The following LPAR1 variants were observed in gnomAD, a reference collection of about 807,000 sequenced individuals.
LPAR1 encodes lysophosphatidic acid receptor 1.
A neutral mutation model predicts 23.8 loss-of-function variants in LPAR1; 5 were observed. The ratio of observed to expected loss-of-function variants is 0.21; its 90% CI spans 0.11 to 0.44. The LOEUF (loss-of-function observed/expected upper bound fraction) is 0.44. LPAR1 is among the 20% of genes least tolerant of loss of function. LPAR1 has a pLI of 0.99. For missense variants in LPAR1, 311 were observed against 482.8 expected, an observed-to-expected ratio of 0.64 and a Z score of 3.33; for synonymous variants, 160 against 164.7, an observed-to-expected ratio of 0.97 and a Z score of 0.22.
chr9:110,884,639 C>T (rs534664848), intron 5 of LPAR1, among the ~76,000 whole-genome samples: 10 of 152,330 alleles, frequency 6.6e-5, no homozygotes, highest in African/African-American at 1.9e-4. Flanking sequence ...GAAACTGTCA[C>T]AATGTCTTTC....
At chr9:111,023,207 A>G (rs1189572110) in intron 2 of LPAR1, among the ~76,000 whole-genome samples, 1 of 152,310 alleles carries the variant, frequency 6.6e-6, no homozygotes, top group East Asian at 1.9e-4. Flanking sequence ...AAAAGCCACA[A>G]ACAGGAAGGC....
At chr9:110,893,960 T>A (rs1422199346) in intron 5 of LPAR1, among the ~76,000 whole-genome samples, 1 of 152,184 alleles carries the variant, frequency 6.6e-6, no homozygotes, top group East Asian at 1.9e-4. Context: ...CAACCCTAAA[T>A]TATTACTTTT....
chr9:110,880,664 C>T (rs956817583), intron 5 of LPAR1, among the ~76,000 whole-genome samples: 34 of 152,166 alleles, frequency 2.2e-4, no homozygotes, highest in Non-Finnish European at 1.0e-4. Flanking sequence ...CAGCACTGTG[C>T]CCAAGGTGGC....
chr9:110,904,784 A>G (rs770019855), intron 5 of LPAR1, among the ~76,000 whole-genome samples: 4 of 152,246 alleles, frequency 2.6e-5, no homozygotes, highest in Non-Finnish European at 5.9e-5. Context: ...TGATAATTCT[A>G]TACATTATTA....
chr9:110,958,265 A>G (rs1173464904), intron 4 of LPAR1, among the ~76,000 whole-genome samples: 1 of 152,228 alleles, frequency 6.6e-6, no homozygotes, highest in East Asian at 1.9e-4. Flanking sequence ...AAGCCTAAAT[A>G]GCTAAAGCAA....
rs534744587 is a variant in LPAR1, at chr9:111,027,921, G to A, written c.-182+8201C>T. On this transcript the variant is annotated intron_variant, in intron 2 of 5. Coordinates refer to ENST00000683809, the MANE Select transcript of LPAR1 (RefSeq NM_001351411.2). ...AAAAAAAAAAAAAAAAGAAGCAAGC[G>A]GAGAAAGGGAATGACTAAACATAAT... Among the ~76,000 whole-genome samples the A allele has an allele frequency of 2.0e-3, 288 of 146,882 alleles. 2 individuals are homozygous for A. Among genetic ancestry groups the A allele is most frequent in the Middle Eastern group, 7.1e-3 (2 of 282 alleles).
At chr9:110,876,983 C>G (rs1357391236) in intron 5 of LPAR1, among the ~76,000 whole-genome samples, 1 of 152,144 alleles carries the variant, frequency 6.6e-6, no homozygotes, top group Non-Finnish European at 1.5e-5. Flanking sequence ...TACACCTCAC[C>G]TAATGGGCCC....
intron 4 of LPAR1, among the ~76,000 whole-genome samples, chr9:110,962,545 CTCT>C (rs1010708742): frequency 6.6e-6 from 1 of 152,172 alleles, no homozygotes; most frequent in African/African-American, 2.4e-5. Flanking sequence ...ACACACCCTA[CTCT>C]TCTTCCTTCA....
In LPAR1 at chr9:110,967,379, T is replaced by C. The variant is rs116179658; in HGVS notation, c.45+4694A>G. On this transcript the variant is annotated intron_variant, in intron 4 of 5. Coordinates refer to ENST00000683809, the MANE Select transcript of LPAR1 (RefSeq NM_001351411.2). The stretch of plus-strand genomic sequence containing the variant: ...GCGTGACAATGCAAGCTTTCTTCCC[T>C]ATTATTGTTTGAAACAATCACAAGC... Among the ~76,000 whole-genome samples, 631 of 152,360 alleles carry C rather than the reference T, an allele frequency of 4.1e-3. 10 individuals are homozygous for C. Among genetic ancestry groups the C allele is most frequent in the African/African-American group, 0.015 (612 of 41,590 alleles).
At chr9:110,876,781 G>A (rs2079207132) in intron 5 of LPAR1, among the ~76,000 whole-genome samples, 1 of 152,188 alleles carries the variant, frequency 6.6e-6, no homozygotes, top group African/African-American at 2.4e-5. Context: ...ATAACTGTAA[G>A]AGGAATGAAA....
chr9:110,876,869 T>G (rs576450539), intron 5 of LPAR1, among the ~76,000 whole-genome samples: 1 of 152,168 alleles, frequency 6.6e-6, no homozygotes, highest in Non-Finnish European at 1.5e-5. Flanking sequence ...AAATGGAGGT[T>G]GTAAAATAGC....
At chr9:110,972,416 T>G (rs957601431) in intron 3 of LPAR1, among the ~76,000 whole-genome samples, 196 bp from the exon 4 acceptor site, 1 of 152,024 alleles carries the variant, frequency 6.6e-6, no homozygotes, top group Non-Finnish European at 1.5e-5. Context: ...TACTCTTAAG[T>G]TGAGGAATTT....
chr9:111,001,414 T>C (rs982420429), intron 2 of LPAR1, among the ~76,000 whole-genome samples: 3 of 152,132 alleles, frequency 2.0e-5, no homozygotes, highest in Non-Finnish European at 4.4e-5. Flanking sequence ...AATGTGACAA[T>C]TGTTCCAGGC....
chr9:111,021,526 C>T (rs555354904), intron 2 of LPAR1, among the ~76,000 whole-genome samples: 1 of 152,242 alleles, frequency 6.6e-6, no homozygotes, highest in South Asian at 2.1e-4. Flanking sequence ...ATATATATAA[C>T]TTAGATGCTG....
At chr9:111,020,311 C>G (rs2097538553) in intron 2 of LPAR1, among the ~76,000 whole-genome samples, 2 of 152,210 alleles carry the variant, frequency 1.3e-5, no homozygotes, top group African/African-American at 4.8e-5. Context: ...CAACAAGGTT[C>G]TTAATCCCTG....
At chr9:110,904,435 C>T (rs566420560) in intron 5 of LPAR1, among the ~76,000 whole-genome samples, 34 of 152,192 alleles carry the variant, frequency 2.2e-4, no homozygotes, top group Non-Finnish European at 3.2e-4. Flanking sequence ...TGATAAGTCA[C>T]ATGTGTATTG....
intron 4 of LPAR1, among the ~76,000 whole-genome samples, chr9:110,947,205 C>G (rs34552953): frequency 0.13 from 19,301 of 152,056 alleles, 1,211 homozygotes; most frequent in Non-Finnish European, 0.15. Context: ...AACAAAAATA[C>G]ACTCATACAA....
intron 2 of LPAR1, among the ~76,000 whole-genome samples, chr9:110,996,865 G>C (rs551945708): frequency 3.3e-4 from 51 of 152,250 alleles, no homozygotes; most frequent in Middle Eastern, 6.8e-3. Flanking sequence ...GACATACAAG[G>C]ACCCTTCCCC....
At chr9:110,968,990 C>G (rs2096317041) in intron 4 of LPAR1, among the ~76,000 whole-genome samples, 1 of 152,114 alleles carries the variant, frequency 6.6e-6, no homozygotes, top group South Asian at 2.1e-4. Flanking sequence ...TAAATTGAAG[C>G]AGGGTGACTG....
Sources: gnomAD v4.1 joint callset for allele counts (sites outside exome capture counted in the v4.1 genomes callset) on GRCh38, gnomAD v4.1.1 for gene constraint, MANE v1.5 for transcripts, NCBI Gene and HGNC (gene_info 2026-07-23, HGNC 2026-07-21) for gene names.